The following TRIT1 variants were observed in gnomAD, a reference collection of about 807,000 sequenced individuals.
TRIT1 encodes tRNA isopentenyltransferase 1, also known as tRNA dimethylallyltransferase.
A neutral mutation model predicts 51.2 loss-of-function variants in TRIT1; 43 were observed. The observed-to-expected ratio is 0.84, with a 90% confidence interval of 0.66 to 1.08. The LOEUF (loss-of-function observed/expected upper bound fraction) is 1.08, where lower values mean the gene tolerates loss of function less well. Ranked by LOEUF, TRIT1 falls within the 50% of genes least tolerant of loss-of-function variation. The pLI is 0.00. For missense variants in TRIT1, 528 were observed against 578.4 expected, an observed-to-expected ratio of 0.91 and a Z score of 0.89; for synonymous variants, 184 against 203.9, an observed-to-expected ratio of 0.90 and a Z score of 0.83.
chr1:39,854,773 T>C lies in TRIT1; in HGVS notation c.316-705A>G, dbSNP rs180938406. ...ACTATTGTTTTTTCATCTCTGCTAC[T>C]TTAAATTTTTCTCTTTAGAATCTCC... On this transcript the variant is annotated intron_variant, in intron 2 of 10. Coordinates refer to ENST00000316891, the MANE Select transcript of TRIT1 (RefSeq NM_017646.6). Among the ~76,000 whole-genome samples the C allele has an allele frequency of 2.0e-5, 3 of 152,344 alleles. No individual in the cohort carries two copies. In the East Asian group the frequency reaches 5.8e-4, roughly 29 times the overall value.
intron 8 of TRIT1, among the ~76,000 whole-genome samples, chr1:39,846,670 T>A (rs1642241748): frequency 6.6e-6 from 1 of 152,206 alleles, no homozygotes; most frequent in South Asian, 2.1e-4. Context: ...CAATAATATA[T>A]GTATAACACC....
chr1:39,858,764 A>C (rs1221551927), intron 1 of TRIT1, among the ~76,000 whole-genome samples: 2 of 152,216 alleles, frequency 1.3e-5, no homozygotes, highest in African/African-American at 4.8e-5. Flanking sequence ...AAGAGCCATA[A>C]GGAAAGCATC....
rs1232585386 is a variant in TRIT1 at position 39,847,294 on chromosome 1, A to T, written c.932T>A (p.Ile311Asn). The T allele has an allele frequency of 1.2e-6, 2 of 1,613,580 alleles. No homozygotes were observed. Among genetic ancestry groups the T allele is most frequent in the Admixed American group, 3.3e-5 (2 of 60,030 alleles). ...ETSNQLLKKG[I>N]EALKQVTKRY... ...CTTAGTTACTTGTTTCAGAGCCTCA[A>T]TACCTGAAAGATACAGTAGATTTAA... Residue 311 changes from isoleucine to asparagine, a missense_variant, in exon 8 of 11, where the codon ATT becomes AAT. This residue lies in a region of TRIT1 where 468 missense variants were observed against 522.6 expected (regional missense o/e 0.90). Coordinates refer to ENST00000316891, the MANE Select transcript of TRIT1 (RefSeq NM_017646.6).
intron 1 of TRIT1, among the ~76,000 whole-genome samples, chr1:39,860,639 A>T (rs1183092041): frequency 6.6e-6 from 1 of 152,230 alleles, no homozygotes; most frequent in South Asian, 2.1e-4. Context: ...GCATTGCAAC[A>T]ATAGGGAAAG....
chr1:39,860,636 A>C (rs544317352), intron 1 of TRIT1, among the ~76,000 whole-genome samples: 152 of 152,366 alleles, frequency 1.0e-3, no homozygotes, highest in African/African-American at 3.5e-3. Flanking sequence ...CCTGCATTGC[A>C]ACAATAGGGA....
chr1:39,858,239 G>A (rs1557553871), intron 1 of TRIT1, among the ~76,000 whole-genome samples: 1 of 152,210 alleles, frequency 6.6e-6, no homozygotes, highest in Non-Finnish European at 1.5e-5. Context: ...AGCCCACAAA[G>A]ATGTTAAAAG....
chr1:39,853,689 G>A (rs570291378), intron 3 of TRIT1, among the ~76,000 whole-genome samples: 1 of 152,288 alleles, frequency 6.6e-6, no homozygotes, highest in South Asian at 2.1e-4. Flanking sequence ...TGGGATTACA[G>A]GTGTGAGCCA....
intron 1 of TRIT1, among the ~76,000 whole-genome samples, chr1:39,872,961 A>G (rs180906360): frequency 6.6e-6 from 1 of 152,268 alleles, no homozygotes; most frequent in Admixed American, 6.5e-5. Flanking sequence ...TTAAGGAGAA[A>G]TAGGACATCT....
At chr1:39,851,082 C>T (rs1021338216) in intron 4 of TRIT1, among the ~76,000 whole-genome samples, 8 of 152,134 alleles carry the variant, frequency 5.3e-5, no homozygotes, top group Admixed American at 2.6e-4. Context: ...CTTCCTGACC[C>T]AATTCTACTT....
chr1:39,881,013 T>C (rs1644244260), intron 1 of TRIT1, among the ~76,000 whole-genome samples: 1 of 150,810 alleles, frequency 6.6e-6, no homozygotes, highest in Admixed American at 6.6e-5. Context: ...AGGTCAGGAG[T>C]TCGAGACCAG....
At chr1:39,850,568 T>C (rs574749172) in intron 4 of TRIT1, among the ~76,000 whole-genome samples, 103 of 152,160 alleles carry the variant, frequency 6.8e-4, no homozygotes, top group Non-Finnish European at 1.2e-3. Flanking sequence ...AGGTCTAGGG[T>C]TACTCCAGTC....
At chr1:39,841,952 C>G in intron 10 of TRIT1, 39 bp from the exon 11 acceptor site, 1 of 1,571,550 alleles carries the variant, frequency 6.4e-7, no homozygotes, top group South Asian at 1.2e-5. Flanking sequence ...CAAAAAAACT[C>G]ATTAGGAATT....
chr1:39,843,184 C>G (rs1266376459), intron 10 of TRIT1, among the ~76,000 whole-genome samples: 1 of 152,176 alleles, frequency 6.6e-6, no homozygotes, highest in Non-Finnish European at 1.5e-5. Context: ...TGCCAGTTAC[C>G]AGTTAATAGA....
chr1:39,872,068 A>AT (rs59839907), intron 1 of TRIT1, among the ~76,000 whole-genome samples: 14,975 of 113,752 alleles, frequency 0.13, 1,477 homozygotes, highest in African/African-American at 0.21. Context: ...GGCCTGACTA[A>AT]TTTTTTTTTT....
Position 39,840,159 on chromosome 1 carries a change from G to C in TRIT1, c.*1585C>G, listed in dbSNP as rs1652502460. On this transcript the variant is annotated 3_prime_UTR_variant, in exon 11 of 11. Transcript: ENST00000316891. Reference sequence around the variant, plus strand: ...CTTGGCACTGCTTGGCTCACAGTAAGTACTCATCTCCACTCCCACCGGGAA... The same window carrying C: ...CTTGGCACTGCTTGGCTCACAGTAACTACTCATCTCCACTCCCACCGGGAA... Among the ~76,000 whole-genome samples the C allele has an allele frequency of 6.6e-6, 1 of 152,022 alleles. No homozygotes were observed. Among genetic ancestry groups the C allele is most frequent in the South Asian group, 2.1e-4 (1 of 4,816 alleles).
chr1:39,852,094 T>C (rs1036039993), intron 4 of TRIT1, among the ~76,000 whole-genome samples: 1 of 152,222 alleles, frequency 6.6e-6, no homozygotes, highest in Admixed American at 6.5e-5. Flanking sequence ...GAATATGAGA[T>C]GTTACTTTAA....
intron 1 of TRIT1, among the ~76,000 whole-genome samples, chr1:39,867,049 T>C (rs776055297): frequency 7.2e-5 from 11 of 152,190 alleles, no homozygotes; most frequent in African/African-American, 1.2e-4. Flanking sequence ...ATGAGACTCA[T>C]GGTTTGGAAT....
At position 39,848,094 on chromosome 1, in the gene TRIT1, A is replaced by G; in HGVS notation, c.707T>C (p.Leu236Pro). 1 of 1,614,036 alleles carries G rather than the reference A, an allele frequency of 6.2e-7. No homozygotes were observed. Among genetic ancestry groups the G allele is most frequent in the Non-Finnish European group, 8.5e-7 (1 of 1,179,908 alleles). The change falls in exon 6 of 11, where the codon CTA (leucine) becomes CCA (proline). Residue 236 changes from leucine to proline, a missense_variant. By Grantham distance (98) the Leu-to-Pro change is moderately conservative. Transcript: ENST00000316891. ...CACCCTCTTATCCAAGCGCTCATCT[A>G]GAACTTGAATCAAATTAGCCCATCA... is the stretch of plus-strand genomic sequence containing the variant. The part of the protein sequence containing the change: ...ILWLHADQAV[L>P]DERLDKRVDD...
Position 39,838,447 on chromosome 1 carries a change from G to GT in TRIT1, c.*3296dup, listed in dbSNP as rs1652455279. Among the ~76,000 whole-genome samples the GT allele has an allele frequency of 6.6e-6, 1 of 152,154 alleles. No homozygotes were observed. Among genetic ancestry groups the GT allele is most frequent in the Admixed American group, 6.5e-5 (1 of 15,274 alleles). On this transcript the variant is annotated 3_prime_UTR_variant, in exon 11 of 11. Coordinates refer to ENST00000316891, the MANE Select transcript of TRIT1 (RefSeq NM_017646.6). ...TTCATAAAAGGTTGATTTCATGCAT[G>GT]TGTGTTTGGGGGAGGGGGTTGTTAG... is the stretch of plus-strand genomic sequence containing the variant.
Sources: allele counts gnomAD v4.1 joint callset (sites outside exome capture counted in the v4.1 genomes callset), GRCh38; gene constraint gnomAD v4.1.1; regional missense constraint gnomAD v4.1.1; transcripts MANE v1.5; gene names NCBI Gene and HGNC (gene_info 2026-07-23, HGNC 2026-07-21).